The following SH3TC1 variants were observed in gnomAD, a reference collection of about 807,000 sequenced individuals.
SH3TC1 encodes SH3 domain and tetratricopeptide repeats 1, also known as SH3 domain and tetratricopeptide repeat-containing protein 1.
Under a neutral mutation model 117.3 loss-of-function variants are expected in SH3TC1, and 135 were observed. That is an observed-to-expected ratio of 1.15 (90% CI 1.00 to 1.33). The LOEUF is 1.33. Ranked by LOEUF, SH3TC1 falls within the 40% of genes most tolerant of loss-of-function variation. The pLI, the probability that SH3TC1 is intolerant of heterozygous loss-of-function variation, is 0.00. For missense variants in SH3TC1, 2,092 were observed against 1,794.3 expected (o/e 1.17, Z -3.00); for synonymous variants, 898 against 816.9 (o/e 1.10, Z -1.69).
intron 1 of SH3TC1, among the ~76,000 whole-genome samples, chr4:8,191,655 C>T (rs1021471417): frequency 1.2e-4 from 19 of 152,188 alleles, no homozygotes; most frequent in African/African-American, 4.1e-4. Flanking sequence ...CTTATCATGC[C>T]GGCCCGGATA....
chr4:8,240,955 A>C lies in SH3TC1; in HGVS notation c.4011A>C (p.Ter1337CysextTer?), dbSNP rs760398454. 10 of 1,608,922 alleles carry C rather than the reference A, an allele frequency of 6.2e-6. No homozygotes were observed. The highest frequency in any genetic ancestry group is 1.3e-5 in the African/African-American group (1 of 75,050). The change falls in exon 18 of 18, where the codon TGA becomes TGC. Residue 1337 changes from the stop codon to cysteine (C), a stop_lost. Coordinates refer to ENST00000245105, the MANE Select transcript of SH3TC1 (RefSeq NM_018986.5). Reference sequence around the variant, plus strand: ...GGTTGGCCCCCAGCCACCCTCGCTGAGGACAGCATCCAAGGGAGTGGGTTT... The same window carrying C: ...GGTTGGCCCCCAGCCACCCTCGCTGCGGACAGCATCCAAGGGAGTGGGTTT... The part of the protein sequence containing the change: ...APWLAPSHPR[*>C]
chr4:8,227,233 C>T lies in SH3TC1; in HGVS notation c.1539C>T (p.Ala513=). Residue 513 remains alanine, a synonymous_variant, in exon 12 of 18, where the codon GCC becomes GCT. Transcript: ENST00000245105. Reference sequence around the variant, plus strand: ...TCCTGAACGCCCCTGGGTACAAGGCCAGCTTCCGTGGCCTGTACGATGTGG... The same window carrying T: ...TCCTGAACGCCCCTGGGTACAAGGCTAGCTTCCGTGGCCTGTACGATGTGG... ...LLFLNAPGYK[A]SFRGLYDVAL... 6.3e-7 allele frequency: 1 copy of T among 1,580,542 alleles called. No homozygotes were observed. The highest frequency in any genetic ancestry group is 1.1e-5 in the South Asian group (1 of 88,032).
rs141783904 is a variant in SH3TC1 at position 8,240,279 on chromosome 4, C to T, written c.3754-419C>T. On this transcript the variant is annotated intron_variant, in intron 17 of 17. Transcript: ENST00000245105. ...CTGGGAGATGCTTTTATACCTGGCC[C>T]GGCCCATGGAGGGCCTGGAAATGGT... 5.9e-3 allele frequency among the ~76,000 whole-genome samples: 906 copies of T among 152,322 alleles called. 6 individuals carry two copies. The highest frequency in any genetic ancestry group is 0.012 in the African/African-American group (504 of 41,566).
chr4:8,222,983 G>A lies in SH3TC1; in HGVS notation c.1243+13G>A, dbSNP rs199788015. On this transcript the variant is annotated intron_variant, in intron 10 of 17. Transcript: ENST00000245105. The stretch of plus-strand genomic sequence containing the variant: ...GTGTACAGCCTGGGTGCGTGTGGGC[G>A]ATGCCTGTGGTGGGGCCACTGCCCT... The A allele has an allele frequency of 1.5e-4, 240 of 1,603,622 alleles. 2 individuals are homozygous for A. The East Asian group carries it at 3.6e-3, about 24-fold the overall frequency.
In SH3TC1 at chr4:8,225,319, C is replaced by A; in HGVS notation, c.1285+103C>A. ...TGAGCACGGTGGGCATTGGGTGCGG[C>A]TGTCACCCCTCTGTGGTGTGGGCTG... On this transcript the variant is annotated intron_variant, in intron 11 of 17. Coordinates refer to ENST00000245105, the MANE Select transcript of SH3TC1 (RefSeq NM_018986.5). This position sits in a 1 kb window ranked among gnomAD's most constrained non-coding sequence, Gnocchi z 5.5. 7.8e-7 allele frequency: 1 copy of A among 1,275,082 alleles called. No individual in the cohort carries two copies. Among genetic ancestry groups the A allele is most frequent in the Non-Finnish European group, 1.1e-6 (1 of 901,450 alleles). The allele number at this position is 1,275,082 out of a possible 1,614,324, so 79.0% of individuals were successfully genotyped here. A position where few individuals can be genotyped will look rare whatever the true frequency, so the allele number is the denominator to read the frequency against.
chr4:8,200,208 C>G (rs1012699938), intron 1 of SH3TC1, among the ~76,000 whole-genome samples: 1 of 152,202 alleles, frequency 6.6e-6, no homozygotes, highest in Non-Finnish European at 1.5e-5. Context: ...GCATGTGGGC[C>G]GGCCACTCAG....
chr4:8,219,778 C>T (rs1719726677), intron 9 of SH3TC1, among the ~76,000 whole-genome samples: 1 of 152,238 alleles, frequency 6.6e-6, no homozygotes, highest in East Asian at 1.9e-4. Context: ...CCATGTGCAT[C>T]ATCTTTCCGT....
At chr4:8,236,605 C>G in intron 16 of SH3TC1, 177 bp downstream of exon 16, 1 of 793,714 alleles carries the variant, frequency 1.3e-6, no homozygotes, top group Non-Finnish European at 1.9e-6. Context: ...AGGTCCTTCA[C>G]TCAGTGCAGA....
chr4:8,205,083 C>A lies in SH3TC1; in HGVS notation c.-28-84C>A. ...AGGCGCTCAGCAACGCTGGTGTTCT[C>A]TTTCTGGACCCCAGGCCTGGACACA... On this transcript the variant is annotated intron_variant, in intron 1 of 17. Transcript: ENST00000245105. This position sits in a 1 kb window ranked among gnomAD's most constrained non-coding sequence, Gnocchi z 5.4. The A allele has an allele frequency of 8.4e-7, 1 of 1,189,462 alleles. No individual in the cohort carries two copies. The highest frequency in any genetic ancestry group is 1.1e-6 in the Non-Finnish European group (1 of 876,444). 73.7% of individuals were successfully genotyped at this position (1,189,462 alleles called of 1,614,324 possible). A position where few individuals can be genotyped will look rare whatever the true frequency, so the allele number is the denominator to read the frequency against.
At chr4:8,236,196 C>T (rs1046187943) in intron 15 of SH3TC1, 82 bp from the exon 16 acceptor site, 33 of 1,435,758 alleles carry the variant, frequency 2.3e-5, no homozygotes, top group East Asian at 5.4e-5. Context: ...TGGGAAGCTC[C>T]GAGCACATGT....
At position 8,227,337 on chromosome 4, in the gene SH3TC1, G is replaced by A. The variant is rs1323570399; in HGVS notation, c.1643G>A (p.Gly548Glu). The A allele has an allele frequency of 1.9e-6, 3 of 1,604,942 alleles. No homozygotes were observed. Among genetic ancestry groups the A allele is most frequent in the Non-Finnish European group, 2.6e-6 (3 of 1,176,400 alleles). ...ACTGGGCGCCTGGCACAGGCCCGGG[G>A]GGCGGCCAAGAAAGCTGGCCTCCTC... ...ELTGRLAQARGAAKKAGLLMA... is the reference protein window; with the variant it reads ...ELTGRLAQAREAAKKAGLLMA... Residue 548 changes from glycine (G) to glutamate (E), a missense_variant, in exon 12 of 18, where the codon GGG becomes GAG. Physicochemically the swap from Gly to Glu is moderately conservative, Grantham distance 98. Transcript: ENST00000245105.
chr4:8,214,322 A>G (rs917891726), intron 4 of SH3TC1, among the ~76,000 whole-genome samples, 153 bp from the exon 5 acceptor site: 3 of 151,966 alleles, frequency 2.0e-5, no homozygotes, highest in Non-Finnish European at 4.4e-5. Context: ...GCAGGGGAGG[A>G]GCTGACTTGG....
chr4:8,232,407 G>C (rs1244035269), intron 13 of SH3TC1: 1 of 1,571,304 alleles, frequency 6.4e-7, no homozygotes, highest in African/African-American at 1.3e-5. Flanking sequence ...CCTCCCCAAA[G>C]GTCATCTCAA....
At chr4:8,191,481 C>T (rs1717414055) in intron 1 of SH3TC1, among the ~76,000 whole-genome samples, 1 of 152,246 alleles carries the variant, frequency 6.6e-6, no homozygotes, top group Non-Finnish European at 1.5e-5. Flanking sequence ...ATCATGGGGC[C>T]TAGAGCTCTG....
rs779042587 is a variant in SH3TC1, at chr4:8,222,861, C to G, written c.1134C>G (p.Leu378=). ...CCAGGTTGGAAAGTGCGATTTTTCT[C>G]AATGAGGAAGAAAAGTCATTCTTCA... ...PVSELESAIF[L]NEEEKSFFSE... Residue 378 remains leucine, a synonymous_variant, in exon 10 of 18, where the codon CTC becomes CTG. Coordinates refer to ENST00000245105, the MANE Select transcript of SH3TC1 (RefSeq NM_018986.5). 1.6e-5 allele frequency: 26 copies of G among 1,612,196 alleles called. No individual in the cohort carries two copies. In the East Asian group the frequency reaches 5.8e-4, roughly 36 times the overall value.
Position 8,222,876 on chromosome 4 carries a change from G to T in SH3TC1, c.1149G>T (p.Lys383Asn). The T allele has an allele frequency of 6.2e-7, 1 of 1,613,780 alleles. No individual in the cohort carries two copies. The highest frequency in any genetic ancestry group is 8.5e-7 in the Non-Finnish European group (1 of 1,179,838). Residue 383 changes from lysine to asparagine, a missense_variant, in exon 10 of 18, where the codon AAG becomes AAT. Coordinates refer to ENST00000245105, the MANE Select transcript of SH3TC1 (RefSeq NM_018986.5). ...CGATTTTTCTCAATGAGGAAGAAAAGTCATTCTTCAGCGAGGGCTGCTTTT... is the reference window on the plus strand; with the variant it reads ...CGATTTTTCTCAATGAGGAAGAAAATTCATTCTTCAGCGAGGGCTGCTTTT... ...ESAIFLNEEE[K>N]SFFSEGCFSE...
rs1417984425 is a variant in SH3TC1 at position 8,211,425 on chromosome 4, C to T, written c.248-1276C>T. Among the ~76,000 whole-genome samples the T allele has an allele frequency of 1.8e-4, 7 of 38,684 alleles. 1 individual carries two copies. The highest frequency in any genetic ancestry group is 8.0e-4 in the African/African-American group (7 of 8,702). The allele number at this position is 38,684 out of a possible 152,430, so 25.4% of individuals were successfully genotyped here. A position where few individuals can be genotyped will look rare whatever the true frequency, so the allele number is the denominator to read the frequency against. On this transcript the variant is annotated intron_variant, in intron 3 of 17. Coordinates refer to ENST00000245105, the MANE Select transcript of SH3TC1 (RefSeq NM_018986.5). ...CTTCCTCTCCCCCTCCTGGTTTCTCCCCTCTCCCTCCCTCTCCACCCGCCC... is the reference window on the plus strand; with the variant it reads ...CTTCCTCTCCCCCTCCTGGTTTCTCTCCTCTCCCTCCCTCTCCACCCGCCC...
At chr4:8,222,688 G>GTCA (rs140906910) in intron 9 of SH3TC1, 152 bp from the exon 10 acceptor site, 15 of 842,852 alleles carry the variant, frequency 1.8e-5, no homozygotes, top group Non-Finnish European at 2.2e-5. Flanking sequence ...TGTTGTTGTT[G>GTCA]TTGTTGTTTT....
At chr4:8,224,149 G>A (rs963862791) in intron 10 of SH3TC1, among the ~76,000 whole-genome samples, 2 of 152,090 alleles carry the variant, frequency 1.3e-5, no homozygotes, top group Non-Finnish European at 2.9e-5. Context: ...AGGTGTACAC[G>A]CACACGTACA....
Sources: gnomAD v4.1 joint callset for allele counts (sites outside exome capture counted in the v4.1 genomes callset) on GRCh38, gnomAD v4.1.1 for gene constraint, Gnocchi (gnomAD v3.1) non-coding constraint, MANE v1.5 for transcripts, NCBI Gene and HGNC (gene_info 2026-07-23, HGNC 2026-07-21) for gene names.